Variants in PRMT8 observed in about 807,000 individuals in gnomAD.
The protein encoded by PRMT8 is protein arginine methyltransferase 8.
Under a neutral mutation model 47.1 loss-of-function variants are expected in PRMT8, and 7 were observed. The observed-to-expected ratio is 0.15, with a 90% CI of 0.08 to 0.28. The LOEUF is 0.28. Ranked by LOEUF, PRMT8 falls within the 10% of genes least tolerant of loss-of-function variation. PRMT8 has a pLI of 1.00. For missense variants in PRMT8, 237 were observed against 505.4 expected (o/e 0.47, Z 5.09); for synonymous variants, 188 against 186.5 (o/e 1.01, Z -0.07).
At chr12:3,463,979 C>G (rs1292786742) in intron 1 of PRMT8, among the ~76,000 whole-genome samples, 1 of 152,190 alleles carries the variant, frequency 6.6e-6, no homozygotes, top group Non-Finnish European at 1.5e-5. Flanking sequence ...TTTAATATAA[C>G]TGGACCCACT....
intron 1 of PRMT8, among the ~76,000 whole-genome samples, chr12:3,460,954 G>A (rs777320768): frequency 1.3e-5 from 2 of 152,142 alleles, no homozygotes; most frequent in Non-Finnish European, 2.9e-5. Flanking sequence ...GTGTTGCTCC[G>A]GACTTACCTC....
At chr12:3,504,361 G>T (rs1298287403) in intron 1 of PRMT8, among the ~76,000 whole-genome samples, 5 of 82,718 alleles carry the variant, frequency 6.0e-5, no homozygotes, top group African/African-American at 1.3e-4. Flanking sequence ...TGATGATGGT[G>T]ATGTACAGAT....
In PRMT8 at chr12:3,577,099, C is replaced by T. The variant is rs879207429; in HGVS notation, c.828+113C>T. ...GCCCCCACCTGGTGAGGCAAGGCTG[C>T]CTTGGCCAGAGCCTGTGATGCTCCC... On this transcript the variant is annotated intron_variant, in intron 7 of 9. Coordinates refer to ENST00000382622, the MANE Select transcript of PRMT8 (RefSeq NM_019854.5). 1.3e-4 allele frequency: 114 copies of T among 864,652 alleles called. 1 individual carries two copies. In the South Asian group the frequency reaches 1.7e-3, roughly 13 times the overall value. The allele number at this position is 864,652 out of a possible 1,614,324, so 53.6% of individuals were successfully genotyped here.
At chr12:3,485,921 A>G (rs1460054580) in intron 1 of PRMT8, among the ~76,000 whole-genome samples, 4 of 152,214 alleles carry the variant, frequency 2.6e-5, no homozygotes, top group Non-Finnish European at 5.9e-5. Context: ...TACATGGTCC[A>G]GAAAGGAAAA....
chr12:3,568,627 A>G, intron 4 of PRMT8, 79 bp from the exon 5 acceptor site: 2 of 1,535,678 alleles, frequency 1.3e-6, no homozygotes, highest in Non-Finnish European at 1.8e-6. Context: ...AAACCTGGAG[A>G]TCTGGCCCTG....
In PRMT8 at chr12:3,497,432, C is replaced by T. The variant is rs537920048; in HGVS notation, c.75+5732C>T. On this transcript the variant is annotated intron_variant, in intron 1 of 9. Coordinates refer to ENST00000382622, the MANE Select transcript of PRMT8 (RefSeq NM_019854.5). ...AGTAGTCGGAAGTTCTCCCTGAAGT[C>T]TGAGCTCAACCTCTTCGATTGCAAT... 5.2e-4 allele frequency among the ~76,000 whole-genome samples: 79 copies of T among 152,316 alleles called. 1 individual carries two copies. Among genetic ancestry groups the T allele is most frequent in the Middle Eastern group, 6.8e-3 (2 of 294 alleles).
intron 2 of PRMT8, among the ~76,000 whole-genome samples, chr12:3,546,416 A>G (rs959377740): frequency 6.6e-6 from 1 of 152,242 alleles, no homozygotes; most frequent in Admixed American, 6.5e-5. Context: ...GAAAAGGCTA[A>G]TTAAATTGAT....
In PRMT8 at chr12:3,491,255, C is replaced by A. The variant is rs1191663824; in HGVS notation, c.-371C>A. On this transcript the variant is annotated 5_prime_UTR_variant, in exon 1 of 10. Transcript: ENST00000382622. ...GAGAGGAGTTGGCGGCTGCCTCCGG[C>A]CGGCCGGACTTTGCGAGCAGCCTGG... is the stretch of plus-strand genomic sequence containing the variant. 55 of 1,027,520 alleles carry A rather than the reference C, an allele frequency of 5.4e-5. No homozygotes were observed. Among genetic ancestry groups the A allele is most frequent in the Non-Finnish European group, 6.2e-5 (53 of 857,570 alleles). The allele number at this position is 1,027,520 out of a possible 1,614,324, so 63.7% of individuals were successfully genotyped here.
intron 1 of PRMT8, among the ~76,000 whole-genome samples, chr12:3,408,813 C>T (rs1013305188): frequency 6.6e-6 from 1 of 152,070 alleles, no homozygotes; most frequent in Non-Finnish European, 1.5e-5. Flanking sequence ...TAGTATAGCC[C>T]CTGTGCAGTT....
intron 1 of PRMT8, among the ~76,000 whole-genome samples, chr12:3,507,446 C>T (rs114135041): frequency 6.6e-6 from 1 of 152,096 alleles, no homozygotes; most frequent in Non-Finnish European, 1.5e-5. Context: ...AAGCCTGGGT[C>T]TCCCAGAAAA....
intron 1 of PRMT8, among the ~76,000 whole-genome samples, chr12:3,412,315 A>G (rs1294013655): frequency 6.6e-6 from 1 of 152,244 alleles, no homozygotes; most frequent in Non-Finnish European, 1.5e-5. Context: ...AGCTTACAGA[A>G]CTAGAAGTTG....
chr12:3,568,993 G>GAT, intron 5 of PRMT8, 145 bp downstream of exon 5: 1 of 1,143,376 alleles, frequency 8.7e-7, no homozygotes, highest in Non-Finnish European at 1.2e-6. Context: ...CTCTAGAGCA[G>GAT]ATCTGTATCA....
At chr12:3,405,358 G>A (rs1219619436) in intron 1 of PRMT8, among the ~76,000 whole-genome samples, 1 of 152,114 alleles carries the variant, frequency 6.6e-6, no homozygotes, top group East Asian at 1.9e-4. Flanking sequence ...GATGAGATTT[G>A]GGTGGGGACA....
intron 4 of PRMT8, among the ~76,000 whole-genome samples, chr12:3,559,006 T>TCTATCTATC (rs1406397462): frequency 4.7e-5 from 7 of 148,040 alleles, no homozygotes; most frequent in African/African-American, 1.8e-4. Context: ...ATCTATCCTG[T>TCTATCTATC]CTATCTAATC....
upstream of PRMT8, among the ~76,000 whole-genome samples, chr12:3,490,545 G>GT (rs2137108724): frequency 8.0e-6 from 1 of 124,752 alleles, no homozygotes; most frequent in East Asian, 2.3e-4. Context: ...GAAGACTGGA[G>GT]TGGGGGGGGG....
intron 1 of PRMT8, among the ~76,000 whole-genome samples, chr12:3,414,515 G>A (rs572258051): frequency 1.1e-4 from 16 of 152,296 alleles, no homozygotes; most frequent in South Asian, 4.2e-4. Context: ...TGTGGGAACC[G>A]GAGTGAATGG....
At chr12:3,578,415 G>A (rs1263014308) in intron 7 of PRMT8, among the ~76,000 whole-genome samples, 1 of 151,822 alleles carries the variant, frequency 6.6e-6, no homozygotes, top group Non-Finnish European at 1.5e-5. Context: ...GTATTAATGG[G>A]GTTTGGCCAT....
intron 1 of PRMT8, among the ~76,000 whole-genome samples, chr12:3,407,719 C>T (rs1456869319): frequency 6.6e-6 from 1 of 152,142 alleles, no homozygotes; most frequent in African/African-American, 2.4e-5. Context: ...TTGTGCCTTT[C>T]TCTGTATCTT....
chr12:3,410,508 T>C (rs764547852), intron 1 of PRMT8, among the ~76,000 whole-genome samples: 12 of 152,074 alleles, frequency 7.9e-5, no homozygotes, highest in Admixed American at 3.3e-4. Context: ...TGGTTTTCTG[T>C]TTGTTTGTTT....
Sources: gnomAD v4.1 joint callset for allele counts (sites outside exome capture counted in the v4.1 genomes callset) on GRCh38, gnomAD v4.1.1 for gene constraint, MANE v1.5 for transcripts, NCBI Gene and HGNC (gene_info 2026-07-23, HGNC 2026-07-21) for gene names.